TAFA5: variants seen among roughly 807,000 people sequenced by gnomAD.
The protein encoded by TAFA5 is TAFA chemokine like family member 5.
TAFA5 carries 6 observed loss-of-function variants against 15.3 expected under a neutral mutation model. The observed-to-expected ratio is 0.39, with a 90% confidence interval of 0.21 to 0.77. The LOEUF (loss-of-function observed/expected upper bound fraction) is 0.77. TAFA5 is among the 30% of genes least tolerant of loss of function. The probability of loss-of-function intolerance (pLI) is 0.41; values close to 1 mark genes in which losing one functional copy is unlikely to be tolerated. For missense variants in TAFA5, 161 were observed against 193.1 expected (o/e 0.83, Z 0.98); for synonymous variants, 103 against 80.7 (o/e 1.28, Z -1.48).
At chr22:48,599,854 A>G (rs1465038793) in intron 1 of TAFA5, among the ~76,000 whole-genome samples, 1 of 152,280 alleles carries the variant, frequency 6.6e-6, no homozygotes, top group Admixed American at 6.5e-5. Context: ...TCCAGTTGAG[A>G]TGGCCACAGA....
At chr22:48,535,510 C>T (rs945462721) in intron 1 of TAFA5, among the ~76,000 whole-genome samples, 11 of 152,258 alleles carry the variant, frequency 7.2e-5, no homozygotes, top group Non-Finnish European at 1.6e-4. Context: ...GCAATGTACA[C>T]GTTCACACAG....
chr22:48,490,513 T>C lies in TAFA5; in HGVS notation c.112+809T>C, dbSNP rs1007580109. On this transcript the variant is annotated intron_variant, in intron 1 of 3. Coordinates refer to ENST00000402357, the MANE Select transcript of TAFA5 (RefSeq NM_001082967.3). This position sits in a 1 kb window ranked among gnomAD's most constrained non-coding sequence, Gnocchi z 5.8. Reference sequence around the variant, plus strand: ...TCCAGGCGGGTGGAATGAGGGGTGGTTGGAGTCCCGGGTGCAGACTCCAGC... The same window carrying C: ...TCCAGGCGGGTGGAATGAGGGGTGGCTGGAGTCCCGGGTGCAGACTCCAGC... Among the ~76,000 whole-genome samples the C allele has an allele frequency of 4.6e-5, 7 of 151,664 alleles. No individual in the cohort carries two copies. Among genetic ancestry groups the C allele is most frequent in the African/African-American group, 1.5e-4 (6 of 41,280 alleles).
chr22:48,716,571 G>A (rs570930430), intron 3 of TAFA5, among the ~76,000 whole-genome samples: 14 of 152,294 alleles, frequency 9.2e-5, no homozygotes, highest in Admixed American at 3.3e-4. Flanking sequence ...TAATGCATGT[G>A]GGGCTTAAAA....
At chr22:48,498,503 A>G (rs1920937279) in intron 1 of TAFA5, among the ~76,000 whole-genome samples, 1 of 152,086 alleles carries the variant, frequency 6.6e-6, no homozygotes, top group Admixed American at 6.5e-5. Flanking sequence ...TCTCGTTGCT[A>G]GAGTGGAAAA....
At chr22:48,744,744 G>A (rs1281450564) in intron 3 of TAFA5, among the ~76,000 whole-genome samples, 3 of 152,128 alleles carry the variant, frequency 2.0e-5, no homozygotes, top group Admixed American at 6.5e-5. Context: ...GGCAGGGGGC[G>A]GGTTCCTTTT....
At chr22:48,501,881 C>T (rs1051258142) in intron 1 of TAFA5, among the ~76,000 whole-genome samples, 2 of 152,332 alleles carry the variant, frequency 1.3e-5, no homozygotes, top group African/African-American at 4.8e-5. Context: ...CCAGAATGGT[C>T]TTCTGAAACA....
At chr22:48,528,924 G>C (rs1031301744) in intron 1 of TAFA5, among the ~76,000 whole-genome samples, 1 of 152,196 alleles carries the variant, frequency 6.6e-6, no homozygotes, top group South Asian at 2.1e-4. Flanking sequence ...AGGGGTAGCA[G>C]GGAGACAATG....
intron 1 of TAFA5, among the ~76,000 whole-genome samples, chr22:48,584,031 CCA>C (rs936551189): frequency 2.0e-5 from 3 of 149,326 alleles, no homozygotes; most frequent in African/African-American, 7.4e-5. Flanking sequence ...ACGCCACACA[CCA>C]CACACAAAAT....
At chr22:48,644,002 T>C (rs111969924) in intron 1 of TAFA5, among the ~76,000 whole-genome samples, 6,059 of 152,304 alleles carry the variant, frequency 0.04, 171 homozygotes, top group Non-Finnish European at 0.059. Flanking sequence ...TCGGGACCCG[T>C]CCAGATGCGT....
At chr22:48,735,786 C>A (rs1316464025) in intron 3 of TAFA5, among the ~76,000 whole-genome samples, 1 of 150,234 alleles carries the variant, frequency 6.7e-6, no homozygotes, top group African/African-American at 2.4e-5. Flanking sequence ...AGTCCATCCC[C>A]CGCAGGAGGA....
At chr22:48,686,209 G>A (rs1928349035) in intron 2 of TAFA5, among the ~76,000 whole-genome samples, 1 of 152,212 alleles carries the variant, frequency 6.6e-6, no homozygotes, top group Non-Finnish European at 1.5e-5. Flanking sequence ...GCCCAGGAGG[G>A]GAAAGGAGAC....
chr22:48,618,974 CAG>C (rs1925711857), intron 1 of TAFA5, among the ~76,000 whole-genome samples: 1 of 152,188 alleles, frequency 6.6e-6, no homozygotes, highest in South Asian at 2.1e-4. Context: ...GAGTGAATGT[CAG>C]GGGTTGTTAG....
Position 48,515,164 on chromosome 22 carries a change from C to T in TAFA5, c.112+25460C>T, listed in dbSNP as rs373898882. On this transcript the variant is annotated intron_variant, in intron 1 of 3. Coordinates refer to ENST00000402357, the MANE Select transcript of TAFA5 (RefSeq NM_001082967.3). ...GGAAAGGAGCAGAGACTCAGATAAGCAGGTGCAGAGCTGGCGAATGCAGGA... is the reference window on the plus strand; with the variant it reads ...GGAAAGGAGCAGAGACTCAGATAAGTAGGTGCAGAGCTGGCGAATGCAGGA... 1.1e-4 allele frequency among the ~76,000 whole-genome samples: 17 copies of T among 152,194 alleles called. No homozygotes were observed. The East Asian group carries it at 2.7e-3, about 24-fold the overall frequency.
At chr22:48,572,723 T>C (rs1234692846) in intron 1 of TAFA5, among the ~76,000 whole-genome samples, 1 of 152,150 alleles carries the variant, frequency 6.6e-6, no homozygotes, top group East Asian at 1.9e-4. Context: ...AGTTAGCAAA[T>C]GGTAAAAAGC....
chr22:48,542,564 GGTGT>G (rs151287754), intron 1 of TAFA5, among the ~76,000 whole-genome samples: 1 of 91,298 alleles, frequency 1.1e-5, no homozygotes, highest in African/African-American at 4.8e-5. Context: ...ATGTGTGTGT[GGTGT>G]GTGTGGTGTG....
chr22:48,537,190 C>A (rs1922196223), intron 1 of TAFA5, among the ~76,000 whole-genome samples: 1 of 148,738 alleles, frequency 6.7e-6, no homozygotes, highest in South Asian at 2.3e-4. Flanking sequence ...CGTTCCTCTG[C>A]CTTTGAGACA....
chr22:48,661,190 G>C (rs1376249368), intron 2 of TAFA5, among the ~76,000 whole-genome samples: 2 of 152,174 alleles, frequency 1.3e-5, no homozygotes, highest in African/African-American at 4.8e-5. Context: ...CGTACTGCTG[G>C]CCCTACGGTC....
chr22:48,524,206 A>G (rs1601847567), intron 1 of TAFA5, among the ~76,000 whole-genome samples: 1 of 152,178 alleles, frequency 6.6e-6, no homozygotes, highest in Non-Finnish European at 1.5e-5. Flanking sequence ...CAGGGCCTCC[A>G]TCTCCACGGG....
intron 1 of TAFA5, among the ~76,000 whole-genome samples, chr22:48,542,639 TGTGTGTGTGTG>T (rs1339163063): frequency 1.5e-4 from 4 of 27,002 alleles, no homozygotes; most frequent in East Asian, 1.2e-3. Flanking sequence ...GGGTGTGTGA[TGTGTGTGTGTG>T]GTGTGTGTGT....
Sources: gnomAD v4.1 joint callset for allele counts (sites outside exome capture counted in the v4.1 genomes callset) on GRCh38, gnomAD v4.1.1 for gene constraint, Gnocchi (gnomAD v3.1) non-coding constraint, MANE v1.5 for transcripts, NCBI Gene and HGNC (gene_info 2026-07-23, HGNC 2026-07-21) for gene names.